CENPP: variants seen among roughly 807,000 people sequenced by gnomAD.
The protein encoded by CENPP is centromere protein P.
CENPP carries 24 observed loss-of-function variants against 35.6 expected under a neutral mutation model. The observed-to-expected ratio is 0.67, with a 90% CI of 0.49 to 0.95. The LOEUF (loss-of-function observed/expected upper bound fraction) is 0.95, where lower values mean the gene tolerates loss of function less well. Among genes scored for constraint, CENPP ranks in the 40% least tolerant of loss-of-function variants. The pLI, the probability that CENPP is intolerant of heterozygous loss-of-function variation, is 0.00. For synonymous variants in CENPP, 120 were observed against 125.5 expected, an observed-to-expected ratio of 0.96 and a Z score of 0.29; for missense variants, 332 against 345.3, an observed-to-expected ratio of 0.96 and a Z score of 0.31.
intron 5 of CENPP, among the ~76,000 whole-genome samples, chr9:92,490,300 AC>A (rs1266117340): frequency 6.6e-6 from 1 of 152,164 alleles, no homozygotes; most frequent in East Asian, 1.9e-4. Context: ...TGTTTTTTTA[AC>A]TACAAGAGAT....
chr9:92,417,377 C>A lies in CENPP; in HGVS notation c.564+37518C>A, dbSNP rs1015199099. 6.2e-7 allele frequency: 1 copy of A among 1,613,888 alleles called. No homozygotes were observed. The highest frequency in any genetic ancestry group is 1.3e-5 in the African/African-American group (1 of 74,904). On this transcript the variant is annotated intron_variant, in intron 5 of 7. Transcript: ENST00000375587. ...TGGACAGAAGCATTCACTGACACAG[C>A]CTAAAGTATACTGATGAAAAGGAAC...
At chr9:92,452,888 G>A (rs1262276181) in intron 5 of CENPP, among the ~76,000 whole-genome samples, 2 of 152,110 alleles carry the variant, frequency 1.3e-5, no homozygotes, top group Non-Finnish European at 2.9e-5. Context: ...TATTTGCATA[G>A]AGGTGTTTGT....
At chr9:92,450,187 T>C (rs1359111778) in intron 5 of CENPP, among the ~76,000 whole-genome samples, 3 of 151,834 alleles carry the variant, frequency 2.0e-5, no homozygotes, top group Non-Finnish European at 2.9e-5. Flanking sequence ...GCTGGTGTGC[T>C]GTACCCATTA....
At position 92,393,450 on chromosome 9, in the gene CENPP, GT is replaced by G. The variant is rs1256317337; in HGVS notation, c.564+13595del. On this transcript the variant is annotated intron_variant, in intron 5 of 7. Coordinates refer to ENST00000375587, the MANE Select transcript of CENPP (RefSeq NM_001012267.3). ...TTGTTTGAGAATCTCTTTTTATTTT[GT>G]TTTACTGGTGATTGCTTAAATGCTG... Among the ~76,000 whole-genome samples the G allele has an allele frequency of 2.0e-5, 3 of 152,182 alleles. No individual in the cohort carries two copies. In the East Asian group the frequency reaches 5.8e-4, roughly 29 times the overall value.
chr9:92,616,127 C>A lies in CENPP; in HGVS notation c.*2978C>A. 1 of 1,050,238 alleles carries A rather than the reference C, an allele frequency of 9.5e-7. No homozygotes were observed. The highest frequency in any genetic ancestry group is 1.4e-6 in the Non-Finnish European group (1 of 709,354). The allele number at this position is 1,050,238 out of a possible 1,614,324, so 65.1% of individuals were successfully genotyped here. On this transcript the variant is annotated 3_prime_UTR_variant, in exon 8 of 8. Coordinates refer to ENST00000375587, the MANE Select transcript of CENPP (RefSeq NM_001012267.3). ...CATTTCCCTCCCTCCCGTTCTCTCT[C>A]CCTTTCTTCTTTCAACTAGTATGTT...
At chr9:92,381,868 A>G (rs11791001) in intron 5 of CENPP, among the ~76,000 whole-genome samples, 17,301 of 150,576 alleles carry the variant, frequency 0.11, 1,052 homozygotes, top group Middle Eastern at 0.15. Context: ...CAATTTCTCT[A>G]CAACTACTTT....
rs11366828 is a variant in CENPP at position 92,329,182 on chromosome 9, CTT to C, written c.108-2970_108-2969del. 7.2e-3 allele frequency among the ~76,000 whole-genome samples: 752 copies of C among 104,366 alleles called. 2 individuals carry two copies. Among genetic ancestry groups the C allele is most frequent in the African/African-American group, 0.027 (588 of 21,928 alleles). The allele number at this position is 104,366 out of a possible 152,430, so 68.5% of individuals were successfully genotyped here. A position where few individuals can be genotyped will look rare whatever the true frequency, so the allele number is the denominator to read the frequency against. ...GTCAGAAGCTCATTTATATTTATGG[CTT>C]TTTTTTTTTTTTTTTTTGAGACGGA... On this transcript the variant is annotated intron_variant, in intron 1 of 7. Coordinates refer to ENST00000375587, the MANE Select transcript of CENPP (RefSeq NM_001012267.3).
chr9:92,357,125 G>C (rs1289325072), intron 4 of CENPP, among the ~76,000 whole-genome samples: 1 of 152,036 alleles, frequency 6.6e-6, no homozygotes, highest in East Asian at 1.9e-4. Flanking sequence ...ACAAAAAGTA[G>C]AGTAACAAAC....
chr9:92,402,595 G>T (rs1273588559), intron 5 of CENPP, among the ~76,000 whole-genome samples: 1 of 152,190 alleles, frequency 6.6e-6, no homozygotes, highest in Non-Finnish European at 1.5e-5. Flanking sequence ...GGTGGGGAAT[G>T]AATGATGTGG....
At chr9:92,395,787 G>C (rs191534888) in intron 5 of CENPP, among the ~76,000 whole-genome samples, 1 of 149,216 alleles carries the variant, frequency 6.7e-6, no homozygotes, top group East Asian at 1.9e-4. Flanking sequence ...CTTTTCATGT[G>C]CTTGTTTGGC....
intron 3 of CENPP, among the ~76,000 whole-genome samples, chr9:92,344,542 A>T (rs1246548808): frequency 6.6e-6 from 1 of 151,586 alleles, no homozygotes; most frequent in Non-Finnish European, 1.5e-5. Flanking sequence ...ATTTATTTTT[A>T]TTATTATTAT....
intron 5 of CENPP, chr9:92,517,914 T>G: frequency 6.2e-7 from 1 of 1,610,412 alleles, no homozygotes; most frequent in Non-Finnish European, 8.5e-7. Flanking sequence ...ATTTCTTATG[T>G]GATTATCAGT....
intron 4 of CENPP, among the ~76,000 whole-genome samples, chr9:92,358,980 G>A (rs546267189): frequency 1.2e-4 from 14 of 117,670 alleles, no homozygotes; most frequent in Admixed American, 1.2e-3. Context: ...ATGGAGTTTC[G>A]CTCTTGTTGC....
chr9:92,360,062 A>G (rs72752411), intron 4 of CENPP, among the ~76,000 whole-genome samples: 4,671 of 152,240 alleles, frequency 0.031, 113 homozygotes, highest in South Asian at 0.083. Flanking sequence ...AAGTGGAGAG[A>G]TGGAATTCTG....
rs186886229 is a variant in CENPP, at chr9:92,471,661, A to C, written c.564+91802A>C. Among the ~76,000 whole-genome samples the C allele has an allele frequency of 6.1e-3, 885 of 144,690 alleles. 1 individual carries two copies. The highest frequency in any genetic ancestry group is 7.6e-3 in the Admixed American group (110 of 14,546). The allele number at this position is 144,690 out of a possible 152,430, so 94.9% of individuals were successfully genotyped here. On this transcript the variant is annotated intron_variant, in intron 5 of 7. Transcript: ENST00000375587. ...ATTTCCACATACTGATTCATATATTATTCTTTTTTTTTTTTTTTTTAACTT... is the reference window on the plus strand; with the variant it reads ...ATTTCCACATACTGATTCATATATTCTTCTTTTTTTTTTTTTTTTTAACTT...
intron 4 of CENPP, among the ~76,000 whole-genome samples, chr9:92,351,604 A>T (rs1210864486): frequency 6.6e-6 from 1 of 152,144 alleles, no homozygotes; most frequent in Non-Finnish European, 1.5e-5. Flanking sequence ...TATTAATCTA[A>T]GTACCTCATA....
chr9:92,382,534 A>G (rs1842278091), intron 5 of CENPP, among the ~76,000 whole-genome samples: 2 of 152,156 alleles, frequency 1.3e-5, no homozygotes, highest in Admixed American at 6.5e-5. Flanking sequence ...CAGTTTATCT[A>G]TTTTTTCTTT....
chr9:92,609,083 G>A (rs1056638973), intron 5 of CENPP, among the ~76,000 whole-genome samples: 3 of 152,262 alleles, frequency 2.0e-5, no homozygotes, highest in Admixed American at 2.0e-4. Flanking sequence ...GGAAGAGCCT[G>A]CGGCTTAAAA....
At position 92,612,871 on chromosome 9, in the gene CENPP, C is replaced by G. The variant is rs532209844; in HGVS notation, c.737-148C>G. 7 of 972,294 alleles carry G rather than the reference C, an allele frequency of 7.2e-6. No individual in the cohort carries two copies. The East Asian group carries it at 1.7e-4, about 23-fold the overall frequency. The allele number at this position is 972,294 out of a possible 1,614,324, so 60.2% of individuals were successfully genotyped here. On this transcript the variant is annotated intron_variant, in intron 7 of 7. Coordinates refer to ENST00000375587, the MANE Select transcript of CENPP (RefSeq NM_001012267.3). The stretch of plus-strand genomic sequence containing the variant: ...CCGTAGGTGAGGCCTCCACTCACTC[C>G]ATCTCCTCGCCCGCCACTAGCATGT...
Sources: allele counts gnomAD v4.1 joint callset (sites outside exome capture counted in the v4.1 genomes callset), GRCh38; gene constraint gnomAD v4.1.1; transcripts MANE v1.5; gene names NCBI Gene and HGNC (gene_info 2026-07-23, HGNC 2026-07-21).